MPDZ: variants seen among roughly 807,000 people sequenced by gnomAD.
The protein encoded by MPDZ is multiple PDZ domain protein.
A neutral mutation model predicts 239.1 loss-of-function variants in MPDZ; 234 were observed. The ratio of observed to expected loss-of-function variants is 0.98; its 90% CI spans 0.88 to 1.09. MPDZ has a LOEUF of 1.09. Ranked by LOEUF, MPDZ falls within the 50% of genes least tolerant of loss-of-function variation. The pLI is 0.00. For missense variants in MPDZ, 3,175 were observed against 2,510.0 expected (o/e 1.26, Z -5.66); for synonymous variants, 1,048 against 881.3 (o/e 1.19, Z -3.35).
At position 13,245,085 on chromosome 9, in the gene MPDZ, A is replaced by G. The variant is rs1036986352; in HGVS notation, c.183+2550T>C. 7.2e-5 allele frequency among the ~76,000 whole-genome samples: 11 copies of G among 152,250 alleles called. No individual in the cohort carries two copies. In the South Asian group the frequency reaches 2.3e-3, roughly 32 times the overall value. ...AGCCATTGGTCAGATTTGTGTAGCC[A>G]CTGGTTTAAAAGAATAAATTTAATT... On this transcript the variant is annotated intron_variant, in intron 3 of 46. Coordinates refer to ENST00000319217, the MANE Select transcript of MPDZ (RefSeq NM_001378778.1).
At chr9:13,229,973 A>G (rs1360350912) in intron 3 of MPDZ, among the ~76,000 whole-genome samples, 1 of 152,144 alleles carries the variant, frequency 6.6e-6, no homozygotes, top group African/African-American at 2.4e-5. Context: ...TAGAATATAT[A>G]AAGAAAACTC....
In MPDZ at chr9:13,188,766, TAA is replaced by T. The variant is rs1177282534; in HGVS notation, c.2364+16_2364+17del. On this transcript the variant is annotated intron_variant, in intron 17 of 46. Transcript: ENST00000319217. ...TGCTTATAAATATAAAGGGAAGCAA[TAA>T]AGTCTGAATTCTTACGGGTAAAGGC... The T allele has an allele frequency of 6.2e-7, 1 of 1,602,218 alleles. No individual in the cohort carries two copies. Among genetic ancestry groups the T allele is most frequent in the South Asian group, 1.1e-5 (1 of 89,896 alleles).
At chr9:13,204,577 T>G (rs574457888) in intron 12 of MPDZ, among the ~76,000 whole-genome samples, 7 of 152,212 alleles carry the variant, frequency 4.6e-5, no homozygotes, top group African/African-American at 1.4e-4. Context: ...CCCTGAAAAA[T>G]TAAGAAGTGA....
At chr9:13,218,023 G>A (rs1291801366) in intron 8 of MPDZ, among the ~76,000 whole-genome samples, 1 of 151,798 alleles carries the variant, frequency 6.6e-6, no homozygotes, top group East Asian at 1.9e-4. Context: ...TATTAGCATG[G>A]TGTCAGCAGA....
At position 13,158,101 on chromosome 9, in the gene MPDZ, T is replaced by C. The variant is rs1950042075; in HGVS notation, c.3369A>G (p.Pro1123=). The C allele has an allele frequency of 1.2e-6, 2 of 1,612,538 alleles. No homozygotes were observed. The highest frequency in any genetic ancestry group is 2.2e-5 in the South Asian group (2 of 90,996). The change falls in exon 24 of 47, where the codon CCA becomes CCG. Residue 1123 remains proline, a synonymous_variant. Transcript: ENST00000319217. ...IFSSYTGRDI[P]ELPEREEGEG... is the part of the protein sequence containing the mutation. ...CTCCCTCTTCTCGCTCTGGTAATTC[T>C]GGAATGTCTCTGGTTAAAGAATTAC... is the stretch of plus-strand genomic sequence containing the variant.
chr9:13,205,142 T>C (rs1482842732), intron 11 of MPDZ, 35 bp from the exon 12 acceptor site: 1 of 1,176,728 alleles, frequency 8.5e-7, no homozygotes, highest in African/African-American at 1.6e-5. Flanking sequence ...ATTTTATCTT[T>C]AGTATAATCA....
chr9:13,125,264 A>T lies in MPDZ; in HGVS notation c.4759T>A (p.Ser1587Thr), dbSNP rs1188859874. The stretch of plus-strand genomic sequence containing the variant: ...GAGCCAGACTGTGGGACCATCAGAG[A>T]CTGGGAGCTGTTCTTTTTTTCTCCA... ...ASGEKKNSSQSLMVPQSGSPE... is the reference protein window; with the variant it reads ...ASGEKKNSSQTLMVPQSGSPE... The change falls in exon 35 of 47, where the codon TCT (serine) becomes ACT (threonine). Residue 1587 changes from serine (S) to threonine (T), a missense_variant. Transcript: ENST00000319217. 2.5e-5 allele frequency: 40 copies of T among 1,612,930 alleles called. No individual in the cohort carries two copies. The highest frequency in any genetic ancestry group is 3.4e-5 in the Non-Finnish European group (40 of 1,179,248).
intron 1 of MPDZ, among the ~76,000 whole-genome samples, chr9:13,253,630 G>C (rs570066848): frequency 6.6e-6 from 1 of 152,264 alleles, no homozygotes; most frequent in Non-Finnish European, 1.5e-5. Flanking sequence ...GATAACAGTG[G>C]GTCATGGCCA....
At chr9:13,247,260 T>C (rs1003325508) in intron 3 of MPDZ, among the ~76,000 whole-genome samples, 4 of 152,210 alleles carry the variant, frequency 2.6e-5, no homozygotes, top group African/African-American at 9.6e-5. Flanking sequence ...TGAAATCTTG[T>C]AAGTATACTG....
chr9:13,162,425 C>G (rs1191494040), intron 23 of MPDZ, among the ~76,000 whole-genome samples: 2 of 151,796 alleles, frequency 1.3e-5, no homozygotes, highest in Non-Finnish European at 2.9e-5. Flanking sequence ...GGCAAATTAT[C>G]AAAACTCAAC....
At chr9:13,209,679 A>C (rs1034459538) in intron 10 of MPDZ, among the ~76,000 whole-genome samples, 4 of 152,180 alleles carry the variant, frequency 2.6e-5, no homozygotes, top group Non-Finnish European at 5.9e-5. Flanking sequence ...TATTTCCTGA[A>C]ACTTACTATC....
At chr9:13,133,603 T>C (rs894065019) in intron 32 of MPDZ, among the ~76,000 whole-genome samples, 4 of 152,200 alleles carry the variant, frequency 2.6e-5, no homozygotes, top group African/African-American at 9.7e-5. Context: ...AACGTAAACG[T>C]GCATCAGGCG....
At chr9:13,115,933 G>A (rs1321100166) in intron 39 of MPDZ, among the ~76,000 whole-genome samples, 3 of 119,816 alleles carry the variant, frequency 2.5e-5, no homozygotes, top group Non-Finnish European at 4.8e-5. Flanking sequence ...GACAGAGCGA[G>A]ACTTGAGACT....
At chr9:13,212,791 TAAAAAAAAA>T (rs145889448) in intron 10 of MPDZ, among the ~76,000 whole-genome samples, 1 of 110,590 alleles carries the variant, frequency 9.0e-6, no homozygotes, top group South Asian at 3.1e-4. Context: ...GGTCAAGGTT[TAAAAAAAAA>T]AAAAAAAAAA....
At chr9:13,183,055 T>C (rs1261399449) in intron 19 of MPDZ, among the ~76,000 whole-genome samples, 1 of 152,114 alleles carries the variant, frequency 6.6e-6, no homozygotes. Flanking sequence ...TAGAAGTCAG[T>C]TTTAAAACCA....
chr9:13,185,491 T>C (rs549742843), intron 18 of MPDZ, among the ~76,000 whole-genome samples: 1 of 152,096 alleles, frequency 6.6e-6, no homozygotes, highest in Non-Finnish European at 1.5e-5. Context: ...CAGTGCACAA[T>C]GTTTGCCCCA....
At chr9:13,197,018 A>G (rs1333332487) in intron 12 of MPDZ, among the ~76,000 whole-genome samples, 1 of 151,916 alleles carries the variant, frequency 6.6e-6, no homozygotes, top group Non-Finnish European at 1.5e-5. Context: ...AAATGTTAAA[A>G]AATTCAGATT....
intron 3 of MPDZ, among the ~76,000 whole-genome samples, chr9:13,234,811 T>C (rs1019172159): frequency 1.9e-5 from 1 of 51,348 alleles, no homozygotes; most frequent in East Asian, 2.8e-3. Flanking sequence ...CTCTTAGAAA[T>C]GCAGAATTTT....
At chr9:13,107,882 T>C (rs1941747565) in intron 46 of MPDZ, among the ~76,000 whole-genome samples, 1 of 152,190 alleles carries the variant, frequency 6.6e-6, no homozygotes, top group Non-Finnish European at 1.5e-5. Context: ...AAATATGTTC[T>C]AACTAGCATG....
Sources: gnomAD v4.1 joint callset for allele counts (sites outside exome capture counted in the v4.1 genomes callset) on GRCh38, gnomAD v4.1.1 for gene constraint, MANE v1.5 for transcripts, NCBI Gene and HGNC (gene_info 2026-07-23, HGNC 2026-07-21) for gene names.